MANEA: variants seen among roughly 807,000 people sequenced by gnomAD.
The protein encoded by MANEA is glycoprotein endo-alpha-1,2-mannosidase.
MANEA carries 25 observed loss-of-function variants against 36.8 expected under a neutral mutation model. The observed-to-expected ratio is 0.68, with a 90% CI of 0.50 to 0.95. The LOEUF (loss-of-function observed/expected upper bound fraction) is 0.95, where lower values mean the gene tolerates loss of function less well. Ranked by LOEUF, MANEA falls within the 40% of genes least tolerant of loss-of-function variation. The pLI is 0.00. For synonymous variants in MANEA, 198 were observed against 188.5 expected, an observed-to-expected ratio of 1.05 and a Z score of -0.41; for missense variants, 565 against 558.8, an observed-to-expected ratio of 1.01 and a Z score of -0.11.
At chr6:95,597,630 T>C (rs2127943280) in intron 3 of MANEA, among the ~76,000 whole-genome samples, 1 of 152,108 alleles carries the variant, frequency 6.6e-6, no homozygotes, top group South Asian at 2.1e-4. Flanking sequence ...AATAATTAAG[T>C]CCAAACCATT....
chr6:95,604,013 T>C (rs1394750191), intron 3 of MANEA, among the ~76,000 whole-genome samples: 1 of 150,230 alleles, frequency 6.7e-6, no homozygotes, highest in Non-Finnish European at 1.5e-5. Flanking sequence ...CTCTCTATGT[T>C]TACATATATA....
chr6:95,580,903 T>C (rs4256442), intron 1 of MANEA, among the ~76,000 whole-genome samples: 151,316 of 152,254 alleles, frequency 0.99, 75,198 homozygotes, highest in East Asian at 1. Context: ...AGAATAGGCA[T>C]TTAGAATAAA....
chr6:95,595,685 A>G (rs1284309533), intron 2 of MANEA, among the ~76,000 whole-genome samples: 1 of 152,084 alleles, frequency 6.6e-6, no homozygotes, highest in Non-Finnish European at 1.5e-5. Flanking sequence ...AATCTTTCTA[A>G]TGACTGTCCA....
rs1769294129 is a variant in MANEA, at chr6:95,586,892, C to T, written c.453C>T (p.Gly151=). ...GACACAACCCTCCAGATGACATTGG[C>T]TCCAGCTTTTATCCTGAATTGGGAA... ...QGRHNPPDDI[G]SSFYPELGSY... is the part of the protein sequence containing the mutation. Residue 151 remains glycine (G), a synonymous_variant, in exon 2 of 5, where the codon GGC becomes GGT. Transcript: ENST00000358812. 2.5e-6 allele frequency: 4 copies of T among 1,613,488 alleles called. No individual in the cohort carries two copies. The East Asian group carries it at 8.9e-5, about 36-fold the overall frequency.
At position 95,586,420 on chromosome 6, in the gene MANEA, G is replaced by C. The variant is rs1769282086; in HGVS notation, c.-20G>C. 6.4e-7 allele frequency: 1 copy of C among 1,574,480 alleles called. No homozygotes were observed. The highest frequency in any genetic ancestry group is 8.6e-7 in the Non-Finnish European group (1 of 1,158,484). ...ATTGCAGCAAAACACTTACTATTTT[G>C]GAGTTTAAAGTATGTCATCATGGCA... On this transcript the variant is annotated 5_prime_UTR_variant, in exon 2 of 5. Coordinates refer to ENST00000358812, the MANE Select transcript of MANEA (RefSeq NM_024641.4).
intron 1 of MANEA, among the ~76,000 whole-genome samples, chr6:95,578,758 G>C (rs1769123385): frequency 6.6e-6 from 1 of 152,204 alleles, no homozygotes; most frequent in Non-Finnish European, 1.5e-5. Context: ...TTTAGATGAA[G>C]TTTGGGCACA....
chr6:95,602,812 A>T (rs892890318), intron 3 of MANEA, among the ~76,000 whole-genome samples: 1 of 150,682 alleles, frequency 6.6e-6, no homozygotes, highest in Non-Finnish European at 1.5e-5. Context: ...TGAGGTCAGG[A>T]GATCGAGACC....
chr6:95,591,488 A>G (rs554107870), intron 2 of MANEA, among the ~76,000 whole-genome samples: 38 of 150,974 alleles, frequency 2.5e-4, no homozygotes, highest in African/African-American at 8.3e-4. Context: ...ATTTTCTTGG[A>G]TGGATATGTT....
At chr6:95,594,452 C>G (rs960480000) in intron 2 of MANEA, among the ~76,000 whole-genome samples, 1 of 152,120 alleles carries the variant, frequency 6.6e-6, no homozygotes, top group Non-Finnish European at 1.5e-5. Context: ...TAATGATTTT[C>G]TGCATTTTTA....
At position 95,606,240 on chromosome 6, in the gene MANEA, A is replaced by T. The variant is rs1455350181; in HGVS notation, c.1224A>T (p.Gly408=). ...SITSFNEWHE[G]TQIEKAVPKR... ...CCTCTTTTAATGAGTGGCATGAAGG[A>T]ACTCAGATTGAAAAAGCTGTTCCCA... The change falls in exon 5 of 5, where the codon GGA becomes GGT. Residue 408 remains glycine (G), a synonymous_variant. Transcript: ENST00000358812. 2 of 1,613,828 alleles carry T rather than the reference A, an allele frequency of 1.2e-6. No individual in the cohort carries two copies. Among genetic ancestry groups the T allele is most frequent in the Admixed American group, 3.3e-5 (2 of 59,988 alleles).
At chr6:95,580,976 C>T (rs371407454) in intron 1 of MANEA, among the ~76,000 whole-genome samples, 1 of 152,178 alleles carries the variant, frequency 6.6e-6, no homozygotes, top group African/African-American at 2.4e-5. Flanking sequence ...AACAATTGCT[C>T]ATTTATTTAG....
chr6:95,579,998 A>G (rs1769149226), intron 1 of MANEA, among the ~76,000 whole-genome samples: 1 of 152,162 alleles, frequency 6.6e-6, no homozygotes, highest in Non-Finnish European at 1.5e-5. Flanking sequence ...CTTTTATTGA[A>G]GCTAAATTAG....
chr6:95,597,853 C>T (rs192419762), intron 3 of MANEA, among the ~76,000 whole-genome samples: 143 of 152,014 alleles, frequency 9.4e-4, no homozygotes, highest in Non-Finnish European at 1.8e-3. Context: ...ATAAATTAAT[C>T]TTTACTATTG....
intron 3 of MANEA, 112 bp downstream of exon 3, chr6:95,596,958 C>A (rs1329148956): frequency 4.2e-6 from 2 of 481,432 alleles, no homozygotes; most frequent in South Asian, 4.6e-5. Context: ...GACTTAGAAT[C>A]TTTTAAATAC....
At chr6:95,582,549 A>T (rs1769203522) in intron 1 of MANEA, among the ~76,000 whole-genome samples, 1 of 152,180 alleles carries the variant, frequency 6.6e-6, no homozygotes, top group Non-Finnish European at 1.5e-5. Flanking sequence ...CACTTCACAG[A>T]GTCATGTAGT....
rs757858936 is a variant in MANEA, at chr6:95,587,061, GTTAA to G, written c.544+81_544+84del. The G allele has an allele frequency of 2.4e-5, 20 of 836,460 alleles. No homozygotes were observed. The East Asian group carries it at 5.1e-4, about 21-fold the overall frequency. The allele number at this position is 836,460 out of a possible 1,614,324, so 51.8% of individuals were successfully genotyped here. On this transcript the variant is annotated intron_variant, in intron 2 of 4. Coordinates refer to ENST00000358812, the MANE Select transcript of MANEA (RefSeq NM_024641.4). ...AATGATTTTTTGTGTAACTTTACTA[GTTAA>G]TTTTCTCATTATTATTAATTATATT... is the stretch of plus-strand genomic sequence containing the variant.
At position 95,606,503 on chromosome 6, in the gene MANEA, ACTATT is replaced by A; in HGVS notation, c.*99_*103del. On this transcript the variant is annotated 3_prime_UTR_variant, in exon 5 of 5. Transcript: ENST00000358812. ...AAGAAAACTGTCAAAATCAGTATAT[ACTATT>A]AGTTATATTTAAAAATATTTTTTTA... 1.7e-6 allele frequency: 1 copy of A among 601,210 alleles called. No individual in the cohort carries two copies. The highest frequency in any genetic ancestry group is 2.5e-6 in the Non-Finnish European group (1 of 397,166). The allele number at this position is 601,210 out of a possible 1,614,324, so 37.2% of individuals were successfully genotyped here.
rs1769280949 is a variant in MANEA at position 95,586,382 on chromosome 6, C to CT, written c.-38-14dup. The CT allele has an allele frequency of 2.2e-6, 3 of 1,390,030 alleles. No homozygotes were observed. In the East Asian group the frequency reaches 6.9e-5, roughly 32 times the overall value. The allele number at this position is 1,390,030 out of a possible 1,614,324, so 86.1% of individuals were successfully genotyped here. On this transcript the variant is annotated intron_variant, in intron 1 of 4. Transcript: ENST00000358812. ...ACTGTTGATAACACTTACTAATTAT[C>CT]TTTTTTCAATAAATTGCAGCAAAAC...
intron 1 of MANEA, among the ~76,000 whole-genome samples, chr6:95,583,044 GT>G (rs1769211382): frequency 1.3e-5 from 2 of 152,034 alleles, no homozygotes; most frequent in Admixed American, 1.3e-4. Context: ...GTTTTGGTAG[GT>G]TTTCCACTGT....
Sources: gnomAD v4.1 joint callset for allele counts (sites outside exome capture counted in the v4.1 genomes callset) on GRCh38, gnomAD v4.1.1 for gene constraint, MANE v1.5 for transcripts, NCBI Gene and HGNC (gene_info 2026-07-23, HGNC 2026-07-21) for gene names.